Variants in RANBP2 observed in about 807,000 individuals in gnomAD.
RANBP2 encodes the protein E3 SUMO-protein ligase RanBP2.
RANBP2 carries 57 observed loss-of-function variants against 303.6 expected under a neutral mutation model. That is an observed-to-expected ratio of 0.19 (90% CI 0.15 to 0.23). The LOEUF (loss-of-function observed/expected upper bound fraction) is 0.23, where lower values mean the gene tolerates loss of function less well. Among genes scored for constraint, RANBP2 ranks in the 10% least tolerant of loss-of-function variants. The probability of loss-of-function intolerance (pLI) is 1.00; values close to 1 mark genes in which losing one functional copy is unlikely to be tolerated. For missense variants in RANBP2, 3,138 were observed against 3,780.8 expected (o/e 0.83, Z 4.46); for synonymous variants, 1,167 against 1,301.5 (o/e 0.90, Z 2.23).
the RANBP2 span, chr2:109,449,424 G>A: frequency 1.1e-5 from 17 of 1,613,788 alleles, no homozygotes; most frequent in African/African-American, 2.7e-5. Flanking sequence ...GGGGCCCATC[G>A]GTGTTCTGTC....
At chr2:109,254,275 C>T in the RANBP2 span, among the ~76,000 whole-genome samples, 127 of 152,246 alleles carry the variant, frequency 8.3e-4, 1 homozygote, top group African/African-American at 2.6e-3. Flanking sequence ...GTTTTTAGCA[C>T]GCAGCAGCAT....
the RANBP2 span, among the ~76,000 whole-genome samples, chr2:109,155,263 T>C: frequency 6.6e-5 from 10 of 152,230 alleles, no homozygotes; most frequent in Admixed American, 6.5e-4. Context: ...GGAATAATTT[T>C]CCCATTTTAA....
chr2:109,356,876 GCT>G, the RANBP2 span, among the ~76,000 whole-genome samples: 1 of 152,016 alleles, frequency 6.6e-6, no homozygotes, highest in Admixed American at 6.5e-5. Flanking sequence ...CCCCCACAGC[GCT>G]CTCACTTCCC....
chr2:109,314,035 GA>G, the RANBP2 span, among the ~76,000 whole-genome samples: 2 of 152,310 alleles, frequency 1.3e-5, no homozygotes, highest in Non-Finnish European at 2.9e-5. Context: ...TGGACACTGA[GA>G]AAAGGAAGAG....
the RANBP2 span, among the ~76,000 whole-genome samples, chr2:109,530,923 G>T: frequency 6.6e-6 from 1 of 152,124 alleles, no homozygotes. Flanking sequence ...AGGGAGAGCC[G>T]ACCCTCAAGA....
At chr2:108,741,699 A>G (rs2149167601) in intron 7 of RANBP2, among the ~76,000 whole-genome samples, 1 of 148,548 alleles carries the variant, frequency 6.7e-6, no homozygotes, top group South Asian at 2.1e-4. Flanking sequence ...TTAGTATAAG[A>G]GACGGGGTTT....
intron 9 of RANBP2, among the ~76,000 whole-genome samples, chr2:108,750,594 T>TG (rs1675802037): frequency 6.9e-6 from 1 of 145,070 alleles, no homozygotes; most frequent in African/African-American, 2.8e-5. Context: ...TTTCTTTTCT[T>TG]TTCTTTTCTT....
the RANBP2 span, among the ~76,000 whole-genome samples, chr2:109,231,572 C>T: frequency 6.6e-6 from 1 of 152,146 alleles, no homozygotes; most frequent in East Asian, 1.9e-4. Flanking sequence ...TTTCTTTATT[C>T]CATGATAAGC....
At chr2:109,184,454 G>A in the RANBP2 span, among the ~76,000 whole-genome samples, 1 of 152,196 alleles carries the variant, frequency 6.6e-6, no homozygotes, top group African/African-American at 2.4e-5. Context: ...CGGGGCCCTG[G>A]GGGAGCTCTG....
At chr2:109,246,352 T>C in the RANBP2 span, among the ~76,000 whole-genome samples, 1 of 152,110 alleles carries the variant, frequency 6.6e-6, no homozygotes, top group Non-Finnish European at 1.5e-5. Flanking sequence ...TGTCCTCCCA[T>C]GGTAGAGGGG....
At chr2:109,009,563 T>C in the RANBP2 span, among the ~76,000 whole-genome samples, 1 of 152,066 alleles carries the variant, frequency 6.6e-6, no homozygotes, top group Non-Finnish European at 1.5e-5. Context: ...TCTGTCACTC[T>C]CACCCAGGGT....
At chr2:109,003,118 A>G in the RANBP2 span, among the ~76,000 whole-genome samples, 2 of 149,226 alleles carry the variant, frequency 1.3e-5, no homozygotes, top group East Asian at 2.1e-4. Flanking sequence ...AGGCAGAAGA[A>G]TCGCTTGAAC....
At chr2:109,198,889 T>C in the RANBP2 span, among the ~76,000 whole-genome samples, 3 of 152,176 alleles carry the variant, frequency 2.0e-5, no homozygotes, top group African/African-American at 7.2e-5. Context: ...AGTTGAGACA[T>C]AGTGGCAAAT....
the RANBP2 span, among the ~76,000 whole-genome samples, chr2:109,246,570 G>A: frequency 6.6e-6 from 1 of 152,310 alleles, no homozygotes; most frequent in South Asian, 2.1e-4. Context: ...GATGGCTGGA[G>A]AGTGTAGATG....
At chr2:108,997,060 T>C in the RANBP2 span, among the ~76,000 whole-genome samples, 3 of 152,126 alleles carry the variant, frequency 2.0e-5, no homozygotes, top group South Asian at 2.1e-4. Context: ...GGGATTCAAG[T>C]GTGTAACTAG....
chr2:108,879,248 A>G, the RANBP2 span, among the ~76,000 whole-genome samples: 10 of 152,370 alleles, frequency 6.6e-5, no homozygotes, highest in East Asian at 1.9e-4. Flanking sequence ...CTGGGATTAC[A>G]AGCATGAACC....
chr2:109,185,654 C>T, the RANBP2 span, among the ~76,000 whole-genome samples: 415 of 152,190 alleles, frequency 2.7e-3, 3 homozygotes, highest in African/African-American at 9.3e-3. Flanking sequence ...CTCAGACACT[C>T]CTGGTTCACC....
the RANBP2 span, among the ~76,000 whole-genome samples, chr2:109,137,047 G>A: frequency 1.7e-4 from 26 of 152,170 alleles, no homozygotes; most frequent in East Asian, 3.9e-4. Flanking sequence ...CAGGGACAGC[G>A]ATTGCATTGG....
chr2:109,516,499 C>A, the RANBP2 span, among the ~76,000 whole-genome samples: 1 of 152,248 alleles, frequency 6.6e-6, no homozygotes, highest in Non-Finnish European at 1.5e-5. Flanking sequence ...AGGCTGTGGC[C>A]ACCGGGTCAC....
Sources: gnomAD v4.1 joint callset for allele counts (sites outside exome capture counted in the v4.1 genomes callset) on GRCh38, gnomAD v4.1.1 for gene constraint, MANE v1.5 for transcripts, NCBI Gene and HGNC (gene_info 2026-07-23, HGNC 2026-07-21) for gene names.